The following IRAK1BP1 variants were observed in gnomAD, a reference collection of about 807,000 sequenced individuals.
IRAK1BP1 encodes interleukin 1 receptor associated kinase 1 binding protein 1.
Under a neutral mutation model 28.0 loss-of-function variants are expected in IRAK1BP1, and 24 were observed. The ratio of observed to expected loss-of-function variants is 0.86; its 90% CI spans 0.62 to 1.20. The LOEUF (loss-of-function observed/expected upper bound fraction) is 1.20. Ranked by LOEUF, IRAK1BP1 falls within the 50% of genes most tolerant of loss-of-function variation. The pLI is 0.00. For missense variants in IRAK1BP1, 336 were observed against 316.7 expected (o/e 1.06, Z -0.46); for synonymous variants, 131 against 116.3 (o/e 1.13, Z -0.81).
At chr6:78,909,780 A>G (rs947686404) in intron 4 of IRAK1BP1, among the ~76,000 whole-genome samples, 2 of 152,270 alleles carry the variant, frequency 1.3e-5, no homozygotes, top group African/African-American at 4.8e-5. Context: ...CGCTAAATCA[A>G]CAAATATTTA....
chr6:78,973,379 G>A, the IRAK1BP1 span, among the ~76,000 whole-genome samples: 124 of 146,024 alleles, frequency 8.5e-4, no homozygotes, highest in African/African-American at 2.4e-3. Context: ...TGAAGGAAGC[G>A]CTAAACATGG....
chr6:78,871,779 G>A (rs1770800807), intron 1 of IRAK1BP1: 1 of 313,864 alleles, frequency 3.2e-6, no homozygotes, highest in African/African-American at 2.2e-5. Flanking sequence ...AACCACTACA[G>A]GATGTTGCTT....
Position 78,871,226 on chromosome 6 carries a change from C to T in IRAK1BP1, c.315+3335C>T, listed in dbSNP as rs962503686. 4 of 979,480 alleles carry T rather than the reference C, an allele frequency of 4.1e-6. No individual in the cohort carries two copies. In the East Asian group the frequency reaches 4.6e-4, roughly 112 times the overall value. 60.7% of individuals were successfully genotyped at this position (979,480 alleles called of 1,614,324 possible). A position where few individuals can be genotyped will look rare whatever the true frequency, so the allele number is the denominator to read the frequency against. ...CCCCTTTATTTTCTTCTCTCTCCAA[C>T]TGTAGGCATAAAATGACCTCACAAT... On this transcript the variant is annotated intron_variant, in intron 1 of 3. Transcript: ENST00000369940.
chr6:78,946,281 T>C lies in IRAK1BP1; in HGVS notation c.*941T>C, dbSNP rs749255139. ...CAGGGCTGTAAATAAAATAGTATTG[T>C]CAGTCACTCTTATAGCTCTATGTGA... On this transcript the variant is annotated 3_prime_UTR_variant and NMD_transcript_variant, in exon 5 of 5. Transcript: ENST00000606868. The C allele has an allele frequency of 3.7e-6, 6 of 1,602,850 alleles. No individual in the cohort carries two copies. The South Asian group carries it at 6.7e-5, about 18-fold the overall frequency.
At chr6:78,966,873 T>A in the IRAK1BP1 span, among the ~76,000 whole-genome samples, 1 of 152,240 alleles carries the variant, frequency 6.6e-6, no homozygotes, top group Non-Finnish European at 1.5e-5. Flanking sequence ...CTGAAAGACT[T>A]GGGTTCAAAT....
intron 4 of IRAK1BP1, among the ~76,000 whole-genome samples, chr6:78,932,966 T>C (rs1050863759): frequency 2.6e-5 from 4 of 152,132 alleles, no homozygotes; most frequent in Non-Finnish European, 5.9e-5. Context: ...CAGTAAACCA[T>C]GCTATAAACA....
intron 4 of IRAK1BP1, among the ~76,000 whole-genome samples, chr6:78,934,033 C>T (rs187963960): frequency 1.4e-3 from 210 of 152,228 alleles, no homozygotes; most frequent in African/African-American, 4.8e-3. Context: ...CTCTTCTATT[C>T]ACTTGAACAT....
chr6:78,898,094 T>C lies in IRAK1BP1; in HGVS notation c.543T>C (p.Asn181=), dbSNP rs1771959841. The C allele has an allele frequency of 6.2e-7, 1 of 1,612,286 alleles. No homozygotes were observed. ...RRQACLVAVE[N]AWRKAQEVCN... The stretch of plus-strand genomic sequence containing the variant: ...AAGCCTGTCTTGTTGCTGTTGAGAA[T>C]GCGTGGCGCAAAGCTCAAGAAGTCT... The change falls in exon 4 of 4, where the codon AAT becomes AAC. Residue 181 remains asparagine (N), a synonymous_variant. Transcript: ENST00000369940.
At chr6:78,918,412 A>G (rs1772619572) in intron 4 of IRAK1BP1, among the ~76,000 whole-genome samples, 1 of 152,108 alleles carries the variant, frequency 6.6e-6, no homozygotes, top group Non-Finnish European at 1.5e-5. Flanking sequence ...GTTGAAGAAA[A>G]AAACAAGACC....
At chr6:78,912,230 A>G (rs934307457) in intron 4 of IRAK1BP1, among the ~76,000 whole-genome samples, 18 of 152,126 alleles carry the variant, frequency 1.2e-4, no homozygotes, top group African/African-American at 4.3e-4. Context: ...ACATCTGATC[A>G]GATTTAGACT....
chr6:78,880,155 G>A (rs753746265), intron 1 of IRAK1BP1, among the ~76,000 whole-genome samples: 26 of 152,270 alleles, frequency 1.7e-4, no homozygotes, highest in Middle Eastern at 3.4e-3. Context: ...TGTGACCTTG[G>A]GATTGAAGAT....
At chr6:78,934,641 CAA>C (rs1773195478) in intron 4 of IRAK1BP1, among the ~76,000 whole-genome samples, 1 of 152,068 alleles carries the variant, frequency 6.6e-6, no homozygotes, top group African/African-American at 2.4e-5. Flanking sequence ...ATATAAAAGC[CAA>C]AGTTGAGCCA....
At chr6:78,910,334 A>G (rs1385949542) in intron 4 of IRAK1BP1, among the ~76,000 whole-genome samples, 1 of 152,216 alleles carries the variant, frequency 6.6e-6, no homozygotes, top group Non-Finnish European at 1.5e-5. Flanking sequence ...TCAAGAATTT[A>G]TTGAAAGTCT....
chr6:78,884,684 G>T (rs1771352513), intron 1 of IRAK1BP1, among the ~76,000 whole-genome samples: 1 of 152,034 alleles, frequency 6.6e-6, no homozygotes, highest in Non-Finnish European at 1.5e-5. Context: ...GATAAATGTG[G>T]AAACTAAGGC....
chr6:78,915,489 C>T (rs929716336), intron 4 of IRAK1BP1, among the ~76,000 whole-genome samples: 1 of 152,184 alleles, frequency 6.6e-6, no homozygotes, highest in Non-Finnish European at 1.5e-5. Flanking sequence ...CTGAATTTCA[C>T]TGCTGTGTGT....
intron 1 of IRAK1BP1, chr6:78,871,573 C>A: frequency 1.0e-6 from 1 of 974,976 alleles, no homozygotes; most frequent in South Asian, 4.7e-5. Context: ...ATGTTTGTTT[C>A]CCCCCAAAAT....
At chr6:78,978,203 A>T in the IRAK1BP1 span, among the ~76,000 whole-genome samples, 1 of 152,134 alleles carries the variant, frequency 6.6e-6, no homozygotes, top group Non-Finnish European at 1.5e-5. Context: ...CAAAACACTA[A>T]CACTTTTTGA....
chr6:78,970,060 T>G, the IRAK1BP1 span: 8 of 1,613,576 alleles, frequency 5.0e-6, no homozygotes, highest in Admixed American at 1.3e-4. Flanking sequence ...TCATGGTAAA[T>G]GATCCGCCAG....
At position 78,885,456 on chromosome 6, in the gene IRAK1BP1, CAAATAA is replaced by C. The variant is rs1562081246; in HGVS notation, c.381+14_381+19del. Reference sequence around the variant, plus strand: ...CATGGAAGCAGAGGTATGTACTTAACAAATAATTGGAAGCAGCATGATTTTGTGGAG... The same window carrying C: ...CATGGAAGCAGAGGTATGTACTTAACTTGGAAGCAGCATGATTTTGTGGAG... On this transcript the variant is annotated intron_variant, in intron 2 of 3. Coordinates refer to ENST00000369940, the MANE Select transcript of IRAK1BP1 (RefSeq NM_001010844.4). 7 of 1,360,244 alleles carry C rather than the reference CAAATAA, an allele frequency of 5.1e-6. No homozygotes were observed. The highest frequency in any genetic ancestry group is 7.2e-6 in the Non-Finnish European group (7 of 977,574). The allele number at this position is 1,360,244 out of a possible 1,614,324, so 84.3% of individuals were successfully genotyped here.
Sources: gnomAD v4.1 joint callset for allele counts (sites outside exome capture counted in the v4.1 genomes callset) on GRCh38, gnomAD v4.1.1 for gene constraint, MANE v1.5 for transcripts, NCBI Gene and HGNC (gene_info 2026-07-23, HGNC 2026-07-21) for gene names.